B3GALT1: variants seen among roughly 807,000 people sequenced by gnomAD.
B3GALT1 encodes beta-1,3-galactosyltransferase 1, also known as UDP-Gal:betaGlcNAc beta 1,3-galactosyltransferase, polypeptide 1.
In B3GALT1, 10 loss-of-function variants were observed where a neutral mutation model predicts 23.2. The observed-to-expected ratio is 0.43, with a 90% CI of 0.27 to 0.73. The LOEUF (loss-of-function observed/expected upper bound fraction) is 0.73. Ranked by LOEUF, B3GALT1 falls within the 30% of genes least tolerant of loss-of-function variation. The pLI, the probability that B3GALT1 is intolerant of heterozygous loss-of-function variation, is 0.21. For synonymous variants in B3GALT1, 156 were observed against 141.5 expected (o/e 1.10, Z -0.73); for missense variants, 299 against 405.4 (o/e 0.74, Z 2.25).
At chr2:167,464,036 T>G (rs558306276) in intron 1 of B3GALT1, among the ~76,000 whole-genome samples, 1 of 152,300 alleles carries the variant, frequency 6.6e-6, no homozygotes, top group South Asian at 2.1e-4. Flanking sequence ...GAAACTAAAT[T>G]ATTCCATCTT....
At chr2:167,548,480 CT>C (rs964728857) in intron 2 of B3GALT1, among the ~76,000 whole-genome samples, 46 of 152,268 alleles carry the variant, frequency 3.0e-4, no homozygotes, top group African/African-American at 1.1e-3. Context: ...TCTAGGATGT[CT>C]TTTTAAAAGA....
intron 1 of B3GALT1, among the ~76,000 whole-genome samples, chr2:167,337,331 C>A (rs1465861789): frequency 6.6e-6 from 1 of 151,830 alleles, no homozygotes; most frequent in Admixed American, 6.6e-5. Context: ...TCCTTTGCCA[C>A]TCTCTCCAAA....
At chr2:167,716,519 A>G (rs1687149596) in intron 3 of B3GALT1, among the ~76,000 whole-genome samples, 1 of 152,294 alleles carries the variant, frequency 6.6e-6, no homozygotes, top group Non-Finnish European at 1.5e-5. Flanking sequence ...TTTGTGTAAT[A>G]TATCTTTTTT....
intron 4 of B3GALT1, among the ~76,000 whole-genome samples, chr2:167,834,262 G>T (rs998655455): frequency 6.6e-6 from 1 of 152,154 alleles, no homozygotes; most frequent in Non-Finnish European, 1.5e-5. Flanking sequence ...ATAAACATCT[G>T]TGCCCAGAGT....
At chr2:167,465,604 C>G (rs1699332414) in intron 1 of B3GALT1, among the ~76,000 whole-genome samples, 1 of 152,116 alleles carries the variant, frequency 6.6e-6, no homozygotes, top group African/African-American at 2.4e-5. Flanking sequence ...ACTTAATAAC[C>G]TCTTGAATGT....
chr2:167,554,683 T>C (rs1683813123), intron 2 of B3GALT1, among the ~76,000 whole-genome samples: 2 of 152,182 alleles, frequency 1.3e-5, no homozygotes, highest in African/African-American at 4.8e-5. Context: ...ATAAAACTCA[T>C]AGCACATCTT....
intron 2 of B3GALT1, among the ~76,000 whole-genome samples, chr2:167,543,456 T>TG (rs2105375170): frequency 6.6e-6 from 1 of 152,234 alleles, no homozygotes; most frequent in South Asian, 2.1e-4. Flanking sequence ...TAAGGTATGC[T>TG]GGGATGGGAG....
chr2:167,497,020 G>A (rs776204869), intron 2 of B3GALT1, among the ~76,000 whole-genome samples: 71 of 152,024 alleles, frequency 4.7e-4, no homozygotes, highest in Admixed American at 3.0e-3. Context: ...AAACCTGCAC[G>A]TTGTGCACAT....
chr2:167,411,983 G>T (rs963829455), intron 1 of B3GALT1, among the ~76,000 whole-genome samples: 3 of 152,130 alleles, frequency 2.0e-5, no homozygotes, highest in African/African-American at 4.8e-5. Context: ...GTTCTCACTC[G>T]TGTAGGAGCT....
intron 1 of B3GALT1, among the ~76,000 whole-genome samples, chr2:167,434,718 C>CA (rs1448618948): frequency 2.1e-5 from 3 of 142,648 alleles, no homozygotes; most frequent in Non-Finnish European, 4.6e-5. Context: ...TGACCCCCCC[C>CA]CCTTATTTTT....
intron 4 of B3GALT1, among the ~76,000 whole-genome samples, chr2:167,821,146 G>T (rs989044982): frequency 2.6e-5 from 4 of 152,170 alleles, no homozygotes; most frequent in Non-Finnish European, 5.9e-5. Context: ...GGGATGGGCA[G>T]TTCACAGCAC....
intron 1 of B3GALT1, among the ~76,000 whole-genome samples, chr2:167,350,698 G>C (rs1279817499): frequency 1.3e-5 from 2 of 152,194 alleles, no homozygotes; most frequent in Non-Finnish European, 2.9e-5. Context: ...GTTGGTGTCG[G>C]TCTACTGCAA....
Position 167,803,313 on chromosome 2 carries a change from T to A in B3GALT1, c.-351-15359T>A, listed in dbSNP as rs192448679. ...AACAAATAGACTTCCTATTCCAAAATAGCTCAATTATGTTTTGATTGCAAC... is the reference window on the plus strand; with the variant it reads ...AACAAATAGACTTCCTATTCCAAAAAAGCTCAATTATGTTTTGATTGCAAC... On this transcript the variant is annotated intron_variant, in intron 3 of 4. Coordinates refer to ENST00000392690, the MANE Select transcript of B3GALT1 (RefSeq NM_020981.4). 5.9e-5 allele frequency among the ~76,000 whole-genome samples: 9 copies of A among 152,286 alleles called. No individual in the cohort carries two copies. In the East Asian group the frequency reaches 1.7e-3, roughly 29 times the overall value.
intron 2 of B3GALT1, among the ~76,000 whole-genome samples, chr2:167,531,395 T>C (rs1482414728): frequency 3.3e-5 from 5 of 152,112 alleles, no homozygotes; most frequent in Non-Finnish European, 7.4e-5. Flanking sequence ...CTTTTTTTCA[T>C]AATATGTTAG....
chr2:167,834,726 G>A (rs545533068), intron 4 of B3GALT1, among the ~76,000 whole-genome samples: 17 of 152,152 alleles, frequency 1.1e-4, no homozygotes, highest in Admixed American at 6.5e-4. Context: ...CCACACACCC[G>A]TAATCCCAGC....
intron 1 of B3GALT1, among the ~76,000 whole-genome samples, chr2:167,382,265 C>A (rs556971221): frequency 2.0e-5 from 3 of 152,222 alleles, no homozygotes; most frequent in Admixed American, 1.3e-4. Flanking sequence ...AAACTCTTCT[C>A]ATTTCCATTT....
intron 1 of B3GALT1, among the ~76,000 whole-genome samples, chr2:167,334,546 A>G (rs1049245792): frequency 3.9e-5 from 6 of 152,196 alleles, no homozygotes; most frequent in African/African-American, 1.4e-4. Context: ...ACTAACATTG[A>G]AGCATATTTT....
At chr2:167,509,720 T>A (rs760269079) in intron 2 of B3GALT1, among the ~76,000 whole-genome samples, 10 of 151,940 alleles carry the variant, frequency 6.6e-5, no homozygotes, top group Admixed American at 6.6e-5. Context: ...GCTGGAGCAG[T>A]GTGAGTTAGG....
chr2:167,727,671 A>G (rs1230480931), intron 3 of B3GALT1, among the ~76,000 whole-genome samples: 4 of 152,204 alleles, frequency 2.6e-5, no homozygotes, highest in Admixed American at 6.5e-5. Flanking sequence ...GGTATATTTG[A>G]GAGGCTGGGT....
Sources: allele counts gnomAD v4.1 joint callset (sites outside exome capture counted in the v4.1 genomes callset), GRCh38; gene constraint gnomAD v4.1.1; transcripts MANE v1.5; gene names NCBI Gene and HGNC (gene_info 2026-07-23, HGNC 2026-07-21).